Variants in LRRC20 observed in about 807,000 individuals in gnomAD.
LRRC20 encodes leucine rich repeat containing 20.
A neutral mutation model predicts 14.4 loss-of-function variants in LRRC20; 11 were observed. The observed-to-expected ratio is 0.77, with a 90% CI of 0.48 to 1.27. The LOEUF (loss-of-function observed/expected upper bound fraction) is 1.27, where lower values mean the gene tolerates loss of function less well. LRRC20 is among the 50% of genes most tolerant of loss of function. The pLI is 0.00. For synonymous variants in LRRC20, 121 were observed against 107.3 expected (o/e 1.13, Z -0.79); for missense variants, 219 against 251.2 (o/e 0.87, Z 0.87).
rs768741708 is a variant in LRRC20, at chr10:70,301,361, AG to A, written c.547del (p.Leu183TyrfsTer54). On this transcript the variant is annotated frameshift_variant, in exon 5 of 5. Coordinates refer to ENST00000446961, the MANE Select transcript of LRRC20 (RefSeq NM_001278212.2). LOFTEE classifies it high-confidence loss of function. ...LMSPEGARAP[L>X]P Reference sequence around the variant, plus strand: ...GGGCATGAGGAGGGTGGCCTAAGGTAGGGGGGCTCTTGCGCCTTCCGGAGAC... The same window carrying A: ...GGGCATGAGGAGGGTGGCCTAAGGTAGGGGGCTCTTGCGCCTTCCGGAGAC... 4 of 1,612,172 alleles carry A rather than the reference AG, an allele frequency of 2.5e-6. No homozygotes were observed. In the African/African-American group the frequency reaches 4.0e-5, roughly 16 times the overall value.
intron 4 of LRRC20, among the ~76,000 whole-genome samples, chr10:70,315,666 C>G (rs961611642): frequency 2.0e-5 from 3 of 152,206 alleles, no homozygotes; most frequent in Admixed American, 6.5e-5. Context: ...GACGCCCCCC[C>G]ACAGAGGATC....
rs764503950 is a variant in LRRC20 at position 70,372,498 on chromosome 10, G to A, written c.82+3954C>T. ...ACTCTGTCACCCAGGCTGGAGTCCA[G>A]TGGCGCAATCTCAGCTCACTGCAGG... On this transcript the variant is annotated intron_variant, in intron 2 of 4. Transcript: ENST00000446961. 6.5e-4 allele frequency among the ~76,000 whole-genome samples: 93 copies of A among 143,766 alleles called. 1 individual carries two copies. Among genetic ancestry groups the A allele is most frequent in the Non-Finnish European group, 1.0e-3 (67 of 66,864 alleles). The allele number at this position is 143,766 out of a possible 152,430, so 94.3% of individuals were successfully genotyped here.
At chr10:70,317,173 G>C (rs1841895270) in intron 4 of LRRC20, among the ~76,000 whole-genome samples, 1 of 152,178 alleles carries the variant, frequency 6.6e-6, no homozygotes, top group South Asian at 2.1e-4. Context: ...GAGGGTCCCT[G>C]CCTCCCACTT....
intron 3 of LRRC20, among the ~76,000 whole-genome samples, chr10:70,329,578 T>TC (rs943612810): frequency 1.3e-5 from 2 of 151,268 alleles, no homozygotes; most frequent in African/African-American, 4.9e-5. Context: ...TTTTTTTTTT[T>TC]CGAGATGGAG....
intron 2 of LRRC20, among the ~76,000 whole-genome samples, chr10:70,370,097 T>A (rs1844207148): frequency 1.3e-5 from 2 of 152,216 alleles, no homozygotes; most frequent in South Asian, 4.1e-4. Context: ...ACAAGCAGTT[T>A]AGTCTTTGCC....
chr10:70,306,091 A>G (rs1399725282), intron 4 of LRRC20, among the ~76,000 whole-genome samples: 1 of 133,550 alleles, frequency 7.5e-6, no homozygotes, highest in African/African-American at 2.8e-5. Context: ...TCATTTGTGC[A>G]TGCATTTTCT....
intron 3 of LRRC20, among the ~76,000 whole-genome samples, chr10:70,330,038 T>C (rs1054155065): frequency 6.6e-6 from 1 of 152,210 alleles, no homozygotes; most frequent in Admixed American, 6.5e-5. Context: ...TCTTGGGAGA[T>C]ATTGGTCTGT....
At chr10:70,337,777 C>A (rs1339417702) in intron 3 of LRRC20, among the ~76,000 whole-genome samples, 1 of 152,052 alleles carries the variant, frequency 6.6e-6, no homozygotes, top group Non-Finnish European at 1.5e-5. Context: ...GACAATGTGT[C>A]CTGCAACCCT....
At chr10:70,367,344 G>GAAAAA (rs1844051695) in intron 2 of LRRC20, among the ~76,000 whole-genome samples, 1 of 59,906 alleles carries the variant, frequency 1.7e-5, no homozygotes, top group African/African-American at 5.2e-5. Context: ...AAAAAAAAAA[G>GAAAAA]AAAGAAAAGA....
At chr10:70,312,742 C>T (rs879699225) in intron 4 of LRRC20, among the ~76,000 whole-genome samples, 8 of 152,146 alleles carry the variant, frequency 5.3e-5, no homozygotes, top group Non-Finnish European at 1.2e-4. Context: ...TGAACCACAA[C>T]CTTTCATCTT....
intron 2 of LRRC20, among the ~76,000 whole-genome samples, chr10:70,356,173 T>C (rs1320763475): frequency 6.6e-6 from 1 of 152,196 alleles, no homozygotes; most frequent in Non-Finnish European, 1.5e-5. Context: ...TTAACTCCAA[T>C]CTCAGTTTCT....
At position 70,376,394 on chromosome 10, in the gene LRRC20, C is replaced by T. The variant is rs1589133724; in HGVS notation, c.82+58G>A. 8 of 1,549,490 alleles carry T rather than the reference C, an allele frequency of 5.2e-6. No homozygotes were observed. The East Asian group carries it at 1.8e-4, about 35-fold the overall frequency. On this transcript the variant is annotated intron_variant, in intron 2 of 4. Transcript: ENST00000446961. Reference sequence around the variant, plus strand: ...TGTGTCTTTCATCTCTGTTTCATTTCTAAGCTGATCTCACAACTGCTTCCA... The same window carrying T: ...TGTGTCTTTCATCTCTGTTTCATTTTTAAGCTGATCTCACAACTGCTTCCA...
intron 4 of LRRC20, among the ~76,000 whole-genome samples, chr10:70,305,561 T>C (rs955556900): frequency 5.9e-5 from 9 of 152,220 alleles, no homozygotes; most frequent in Admixed American, 1.3e-4. Flanking sequence ...TATTCAAATG[T>C]CTTTAGGACT....
rs3998644 is a variant in LRRC20, at chr10:70,326,297, T to TACACACACACACAC, written c.233-2281_233-2268dup. ...CTGCCCCCTTCCCAGCGCCTCTGTG[T>TACACACACACACAC]ACACACACACACACACACACACACA... On this transcript the variant is annotated intron_variant, in intron 3 of 4. Coordinates refer to ENST00000446961, the MANE Select transcript of LRRC20 (RefSeq NM_001278212.2). Among the ~76,000 whole-genome samples, 71 of 140,482 alleles carry TACACACACACACAC rather than the reference T, an allele frequency of 5.1e-4. 1 individual carries two copies. The highest frequency in any genetic ancestry group is 3.6e-3 in the Middle Eastern group (1 of 278). The allele number at this position is 140,482 out of a possible 152,430, so 92.2% of individuals were successfully genotyped here. A position where few individuals can be genotyped will look rare whatever the true frequency, so the allele number is the denominator to read the frequency against.
intron 1 of LRRC20, chr10:70,381,426 C>G (rs1048125508): frequency 2.0e-5 from 3 of 152,246 alleles, no homozygotes; most frequent in Admixed American, 6.5e-5. Flanking sequence ...CTCAGGCTGG[C>G]TGGGGGAGGG....
chr10:70,300,429 G>T lies in LRRC20; in HGVS notation c.*925C>A. The T allele has an allele frequency of 2.0e-6, 2 of 985,576 alleles. No individual in the cohort carries two copies. The highest frequency in any genetic ancestry group is 2.4e-6 in the Non-Finnish European group (2 of 830,032). 61.1% of individuals were successfully genotyped at this position (985,576 alleles called of 1,614,324 possible). A position where few individuals can be genotyped will look rare whatever the true frequency, so the allele number is the denominator to read the frequency against. On this transcript the variant is annotated 3_prime_UTR_variant, in exon 5 of 5. Transcript: ENST00000446961. ...TGGGCGTTGGCCTGGGAGCTGGCTG[G>T]CTACAAATCCCGTGGTCCACATCGC...
chr10:70,345,389 TACA>T (rs1421804167), intron 2 of LRRC20, among the ~76,000 whole-genome samples: 1 of 151,984 alleles, frequency 6.6e-6, no homozygotes, highest in East Asian at 1.9e-4. Flanking sequence ...TGAACATTTA[TACA>T]ACCTCTTAAG....
intron 4 of LRRC20, among the ~76,000 whole-genome samples, chr10:70,304,870 A>G (rs1841359728): frequency 6.6e-6 from 1 of 152,168 alleles, no homozygotes; most frequent in Non-Finnish European, 1.5e-5. Flanking sequence ...GGCATTGATA[A>G]TGCAGGATTA....
chr10:70,334,735 T>C (rs115455348), intron 3 of LRRC20, among the ~76,000 whole-genome samples: 536 of 152,044 alleles, frequency 3.5e-3, no homozygotes, highest in African/African-American at 0.012. Context: ...GCACCAGGCA[T>C]GTAGGGCCCT....
Sources: allele counts gnomAD v4.1 joint callset (sites outside exome capture counted in the v4.1 genomes callset), GRCh38; gene constraint gnomAD v4.1.1; transcripts MANE v1.5; gene names NCBI Gene and HGNC (gene_info 2026-07-23, HGNC 2026-07-21).